MB21D2: variants seen among roughly 807,000 people sequenced by gnomAD.
MB21D2 encodes Mab-21 domain containing 2, also known as nucleotidyltransferase MB21D2.
MB21D2 carries 9 observed loss-of-function variants against 33.3 expected under a neutral mutation model. That is an observed-to-expected ratio of 0.27 (90% confidence interval 0.16 to 0.47). The LOEUF (loss-of-function observed/expected upper bound fraction) is 0.47. MB21D2 is among the 20% of genes least tolerant of loss of function. MB21D2 has a pLI of 0.99. For synonymous variants in MB21D2, 241 were observed against 236.3 expected, an observed-to-expected ratio of 1.02 and a Z score of -0.18; for missense variants, 540 against 624.6, an observed-to-expected ratio of 0.86 and a Z score of 1.44.
chr3:192,910,315 AAAAAAT>A (rs1003561065), intron 1 of MB21D2, among the ~76,000 whole-genome samples: 2 of 147,708 alleles, frequency 1.4e-5, no homozygotes, highest in Admixed American at 6.6e-5. Context: ...AAAAAAAAAA[AAAAAAT>A]TTAAAAATTA....
intron 1 of MB21D2, among the ~76,000 whole-genome samples, chr3:192,899,681 G>A (rs1485855201): frequency 6.6e-6 from 1 of 152,202 alleles, no homozygotes; most frequent in Non-Finnish European, 1.5e-5. Context: ...AGATGGTAGT[G>A]GCCTGGCCTA....
At chr3:192,850,694 C>A (rs73890343) in intron 1 of MB21D2, among the ~76,000 whole-genome samples, 1 of 152,126 alleles carries the variant, frequency 6.6e-6, no homozygotes, top group African/African-American at 2.4e-5. Flanking sequence ...GAGCCCCGTC[C>A]CGTCTCCCTG....
chr3:192,807,489 TAC>T (rs1560226216), intron 1 of MB21D2, among the ~76,000 whole-genome samples: 1 of 152,136 alleles, frequency 6.6e-6, no homozygotes, highest in Non-Finnish European at 1.5e-5. Context: ...AAGTCAACTG[TAC>T]CCCATCACTG....
chr3:192,858,130 A>C (rs1047588417), intron 1 of MB21D2, among the ~76,000 whole-genome samples: 5 of 152,170 alleles, frequency 3.3e-5, no homozygotes, highest in African/African-American at 4.8e-5. Context: ...TGTCTCAAAA[A>C]ACAAAACAAA....
At chr3:192,852,041 C>T (rs1158465266) in intron 1 of MB21D2, among the ~76,000 whole-genome samples, 1 of 152,206 alleles carries the variant, frequency 6.6e-6, no homozygotes, top group Admixed American at 6.5e-5. Context: ...ATCCCCCAGG[C>T]ATCTGGAGTC....
At chr3:192,831,857 A>G (rs903409951) in intron 1 of MB21D2, among the ~76,000 whole-genome samples, 1 of 152,236 alleles carries the variant, frequency 6.6e-6, no homozygotes, top group African/African-American at 2.4e-5. Flanking sequence ...CTTGATGGGC[A>G]GCATCCTGAA....
chr3:192,912,994 C>T (rs1418420006), intron 1 of MB21D2, among the ~76,000 whole-genome samples: 1 of 152,220 alleles, frequency 6.6e-6, no homozygotes, highest in East Asian at 1.9e-4. Flanking sequence ...TGGACTTAGG[C>T]AAAGTAGCTA....
intron 1 of MB21D2, among the ~76,000 whole-genome samples, chr3:192,907,760 G>A (rs943118358): frequency 3.9e-5 from 6 of 152,138 alleles, no homozygotes; most frequent in African/African-American, 9.7e-5. Flanking sequence ...TACGACTTGC[G>A]TTCCAGATTA....
chr3:192,908,739 C>G (rs66969365), intron 1 of MB21D2, among the ~76,000 whole-genome samples: 93,011 of 151,306 alleles, frequency 0.61, 29,133 homozygotes, highest in African/African-American at 0.71. Context: ...TTCTCAAAGA[C>G]ATATAGGAAG....
chr3:192,909,317 T>TA (rs1714288774), intron 1 of MB21D2, among the ~76,000 whole-genome samples: 1 of 152,066 alleles, frequency 6.6e-6, no homozygotes, highest in Admixed American at 6.6e-5. Context: ...AAATTTGTGA[T>TA]AGAGTACCCT....
intron 1 of MB21D2, among the ~76,000 whole-genome samples, chr3:192,914,531 TAATG>T (rs1170392177): frequency 6.6e-6 from 1 of 152,196 alleles, no homozygotes; most frequent in Non-Finnish European, 1.5e-5. Flanking sequence ...ATTAAAACAT[TAATG>T]AACTCTGGCA....
intron 1 of MB21D2, among the ~76,000 whole-genome samples, chr3:192,884,883 A>G (rs1713698821): frequency 6.6e-6 from 1 of 152,166 alleles, no homozygotes; most frequent in South Asian, 2.1e-4. Context: ...AGGAAAGGAC[A>G]GAGTGTCATT....
intron 1 of MB21D2, among the ~76,000 whole-genome samples, chr3:192,903,586 CTG>C (rs1299470874): frequency 1.3e-5 from 2 of 152,186 alleles, no homozygotes; most frequent in East Asian, 3.8e-4. Context: ...CTTAACCTCT[CTG>C]TGTTTCAGAT....
At chr3:192,869,396 G>C (rs1371946961) in intron 1 of MB21D2, among the ~76,000 whole-genome samples, 1 of 151,870 alleles carries the variant, frequency 6.6e-6, no homozygotes, top group African/African-American at 2.4e-5. Flanking sequence ...GGAATAATGT[G>C]ATAGGCTTGA....
chr3:192,799,169 C>A lies in MB21D2; in HGVS notation c.693G>T (p.Met231Ile). 3 of 1,614,210 alleles carry A rather than the reference C, an allele frequency of 1.9e-6. No homozygotes were observed. The highest frequency in any genetic ancestry group is 2.5e-6 in the Non-Finnish European group (3 of 1,180,038). ...ATACCACAGGGACAATATCATACAA[C>A]ATGCGACTACTCCCTACACCCAGAA... ...SIILGVGSSR[M>I]LYDIVPVVSF... The change falls in exon 2 of 2, where the codon ATG becomes ATT. Residue 231 changes from methionine (M) to isoleucine (I), a missense_variant. Physicochemically the swap from Met to Ile is conservative, Grantham distance 10. Transcript: ENST00000392452. This position sits in a 1 kb window ranked among gnomAD's most constrained non-coding sequence, Gnocchi z 4.1.
At chr3:192,859,359 C>CA (rs1560241517) in intron 1 of MB21D2, among the ~76,000 whole-genome samples, 1 of 152,218 alleles carries the variant, frequency 6.6e-6, no homozygotes, top group Non-Finnish European at 1.5e-5. Context: ...AAACCACCCC[C>CA]ACCCCCGACA....
intron 1 of MB21D2, among the ~76,000 whole-genome samples, chr3:192,851,791 T>A (rs1236382793): frequency 3.9e-5 from 6 of 152,166 alleles, no homozygotes; most frequent in Non-Finnish European, 1.5e-5. Flanking sequence ...TAAGCCAGCA[T>A]GCCTGGCCGA....
rs1437544762 is a variant in MB21D2, at chr3:192,848,085, T to C, written c.212-48435A>G. On this transcript the variant is annotated intron_variant, in intron 1 of 1. Coordinates refer to ENST00000392452, the MANE Select transcript of MB21D2 (RefSeq NM_178496.4). The stretch of plus-strand genomic sequence containing the variant: ...CTTCCATCTGGTCACATACCCGGCA[T>C]TACACACATATTTTAAAGTTATTTA... Among the ~76,000 whole-genome samples, 5 of 152,218 alleles carry C rather than the reference T, an allele frequency of 3.3e-5. No homozygotes were observed. The East Asian group carries it at 9.6e-4, about 29-fold the overall frequency.
In MB21D2 at chr3:192,798,155, A is replaced by G; in HGVS notation, c.*231T>C. 8.5e-6 allele frequency: 4 copies of G among 470,728 alleles called. No homozygotes were observed. The highest frequency in any genetic ancestry group is 1.1e-5 in the Non-Finnish European group (3 of 269,790). The allele number at this position is 470,728 out of a possible 1,614,324, so 29.2% of individuals were successfully genotyped here. On this transcript the variant is annotated 3_prime_UTR_variant, in exon 2 of 2. Coordinates refer to ENST00000392452, the MANE Select transcript of MB21D2 (RefSeq NM_178496.4). The surrounding 1 kb of genome is among the most constrained non-coding windows in gnomAD (Gnocchi z 4.8). ...AAAAGAAAAAAAACTCCAACAAACT[A>G]AAGAGCATGACAATAACTACAAAAA...
Sources: gnomAD v4.1 joint callset for allele counts (sites outside exome capture counted in the v4.1 genomes callset) on GRCh38, gnomAD v4.1.1 for gene constraint, Gnocchi (gnomAD v3.1) non-coding constraint, MANE v1.5 for transcripts, NCBI Gene and HGNC (gene_info 2026-07-23, HGNC 2026-07-21) for gene names.